The following XRCC5 variants were observed in gnomAD, a reference collection of about 807,000 sequenced individuals.
The protein encoded by XRCC5 is DNA repair protein Ku80.
XRCC5 carries 12 observed loss-of-function variants against 95.7 expected under a neutral mutation model. The ratio of observed to expected loss-of-function variants is 0.13; its 90% CI spans 0.08 to 0.20. The LOEUF is 0.20. Among genes scored for constraint, XRCC5 ranks in the 10% least tolerant of loss-of-function variants. The pLI is 1.00. For missense variants in XRCC5, 595 were observed against 873.9 expected (o/e 0.68, Z 4.02); for synonymous variants, 281 against 290.3 (o/e 0.97, Z 0.33).
chr2:216,117,602 T>A, intron 3 of XRCC5, 144 bp from the exon 4 acceptor site: 1 of 680,712 alleles, frequency 1.5e-6, no homozygotes, highest in Non-Finnish European at 2.6e-6. Context: ...TAGTGAACTT[T>A]GGAAGAAGGG....
intron 16 of XRCC5, among the ~76,000 whole-genome samples, chr2:216,169,781 C>T (rs2106032311): frequency 6.6e-6 from 1 of 151,178 alleles, no homozygotes; most frequent in African/African-American, 2.4e-5. Context: ...CGCAGTGGCT[C>T]ATGGCTATAA....
intron 16 of XRCC5, among the ~76,000 whole-genome samples, chr2:216,162,443 C>G (rs1368937384): frequency 6.6e-6 from 1 of 150,986 alleles, no homozygotes; most frequent in Non-Finnish European, 1.5e-5. Flanking sequence ...CTCTTGTTGC[C>G]CAGGCTGGAG....
Position 216,204,407 on chromosome 2 carries a change from T to C in XRCC5, c.2184+11T>C, listed in dbSNP as rs1689903052. The stretch of plus-strand genomic sequence containing the variant: ...GATGTGGACGATTTAGTAAGTACTT[T>C]TAATATGCACCTGGTGTTCTATGAT... On this transcript the variant is annotated intron_variant, in intron 20 of 20. Coordinates refer to ENST00000392132, the MANE Select transcript of XRCC5 (RefSeq NM_021141.4). 1.9e-6 allele frequency: 3 copies of C among 1,613,816 alleles called. No homozygotes were observed. The highest frequency in any genetic ancestry group is 2.5e-6 in the Non-Finnish European group (3 of 1,179,748).
intron 16 of XRCC5, among the ~76,000 whole-genome samples, chr2:216,171,761 T>G (rs1689170454): frequency 6.6e-6 from 1 of 152,248 alleles, no homozygotes; most frequent in Admixed American, 6.5e-5. Flanking sequence ...TGTCTAAGTT[T>G]TCATACTTAT....
intron 11 of XRCC5, 134 bp downstream of exon 11, chr2:216,137,359 G>GCCCT: frequency 2.9e-6 from 3 of 1,028,406 alleles, no homozygotes; most frequent in Non-Finnish European, 3.9e-6. Flanking sequence ...GTAGTTCTGG[G>GCCCT]GCAGGGCCCA....
intron 10 of XRCC5, among the ~76,000 whole-genome samples, chr2:216,134,419 GT>G (rs568788717): frequency 1.8e-4 from 25 of 135,444 alleles, no homozygotes; most frequent in Admixed American, 2.2e-4. Context: ...CTTCCTTCTT[GT>G]TTTTTTTTTT....
intron 13 of XRCC5, among the ~76,000 whole-genome samples, chr2:216,142,567 A>G (rs1272417623): frequency 6.6e-6 from 1 of 152,126 alleles, no homozygotes; most frequent in East Asian, 1.9e-4. Context: ...TGACAGCAGG[A>G]CATAGGCTTC....
chr2:216,156,364 G>C lies in XRCC5; in HGVS notation c.1671-3704G>C. On this transcript the variant is annotated intron_variant, in intron 14 of 20. Coordinates refer to ENST00000392132, the MANE Select transcript of XRCC5 (RefSeq NM_021141.4). ...TGAAACAGTCTCTTCTGCTGTTGTG[G>C]GGTCTTTGGGCAACCCTTCAATTTA... 3 of 716,540 alleles carry C rather than the reference G, an allele frequency of 4.2e-6. No homozygotes were observed. The Admixed American group carries it at 5.4e-5, about 13-fold the overall frequency. 44.4% of individuals were successfully genotyped at this position (716,540 alleles called of 1,614,324 possible).
chr2:216,200,528 T>C (rs1233072783), intron 19 of XRCC5, among the ~76,000 whole-genome samples: 1 of 152,244 alleles, frequency 6.6e-6, no homozygotes, highest in African/African-American at 2.4e-5. Flanking sequence ...TTAAATTTTT[T>C]ATTGAGGTAG....
chr2:216,161,600 C>A (rs1688953067), intron 15 of XRCC5, among the ~76,000 whole-genome samples: 1 of 152,206 alleles, frequency 6.6e-6, no homozygotes, highest in Non-Finnish European at 1.5e-5. Context: ...CAAATCTATT[C>A]GAAACCGACC....
chr2:216,184,161 T>C (rs545647626), intron 16 of XRCC5, among the ~76,000 whole-genome samples: 5 of 152,106 alleles, frequency 3.3e-5, no homozygotes, highest in African/African-American at 9.6e-5. Flanking sequence ...CAGAATGCCA[T>C]GGGAAGTGCT....
At chr2:216,117,338 T>G in intron 3 of XRCC5, 2 of 191,684 alleles carry the variant, frequency 1.0e-5, no homozygotes, top group Non-Finnish European at 2.2e-5. Context: ...CTTGTTCTTT[T>G]TCTAATCAGT....
In XRCC5 at chr2:216,121,091, G is replaced by A. The variant is rs577300250; in HGVS notation, c.492-971G>A. 2.6e-5 allele frequency among the ~76,000 whole-genome samples: 4 copies of A among 152,254 alleles called. No homozygotes were observed. In the South Asian group the frequency reaches 8.3e-4, roughly 32 times the overall value. Reference sequence around the variant, plus strand: ...GGAAGCTTATTTCTGATCTAACGCAGAATAGACAGAACAGTTATTATTTCT... The same window carrying A: ...GGAAGCTTATTTCTGATCTAACGCAAAATAGACAGAACAGTTATTATTTCT... On this transcript the variant is annotated intron_variant, in intron 5 of 20. Transcript: ENST00000392132.
chr2:216,202,703 T>G (rs1689857954), intron 19 of XRCC5, among the ~76,000 whole-genome samples: 1 of 152,034 alleles, frequency 6.6e-6, no homozygotes, highest in Non-Finnish European at 1.5e-5. Flanking sequence ...GATAAATTCC[T>G]TATTCGCTCA....
At chr2:216,159,324 A>G (rs942406109) in intron 14 of XRCC5, among the ~76,000 whole-genome samples, 1 of 152,178 alleles carries the variant, frequency 6.6e-6, no homozygotes, top group Admixed American at 6.5e-5. Flanking sequence ...CTCTTTTGCA[A>G]TTAACTTGAC....
At chr2:216,137,019 A>C in intron 10 of XRCC5, 69 bp from the exon 11 acceptor site, 1 of 1,534,030 alleles carries the variant, frequency 6.5e-7, no homozygotes, top group Non-Finnish European at 8.8e-7. Context: ...ACAGTCTTAA[A>C]GTATTGAGTT....
chr2:216,167,120 C>T (rs763505702), intron 16 of XRCC5, among the ~76,000 whole-genome samples: 4 of 152,134 alleles, frequency 2.6e-5, no homozygotes, highest in Non-Finnish European at 5.9e-5. Flanking sequence ...AGAAATAATA[C>T]AGACCCCAAA....
At chr2:216,128,651 T>C (rs1696932704) in intron 8 of XRCC5, among the ~76,000 whole-genome samples, 1 of 152,216 alleles carries the variant, frequency 6.6e-6, no homozygotes, top group Non-Finnish European at 1.5e-5. Flanking sequence ...AAGAATAGCA[T>C]GATTAAAGCC....
chr2:216,166,581 A>G (rs1012162722), intron 16 of XRCC5, among the ~76,000 whole-genome samples: 1 of 152,166 alleles, frequency 6.6e-6, no homozygotes, highest in African/African-American at 2.4e-5. Flanking sequence ...GGCTCTTTAC[A>G]TTGAGTTTAT....
Sources: gnomAD v4.1 joint callset for allele counts (sites outside exome capture counted in the v4.1 genomes callset) on GRCh38, gnomAD v4.1.1 for gene constraint, MANE v1.5 for transcripts, NCBI Gene and HGNC (gene_info 2026-07-23, HGNC 2026-07-21) for gene names.